The following GSKIP variants were observed in gnomAD, a reference collection of about 807,000 sequenced individuals.
GSKIP encodes GSK3B-interacting protein.
GSKIP carries 5 observed loss-of-function variants against 11.9 expected under a neutral mutation model. The ratio of observed to expected loss-of-function variants is 0.42; its 90% confidence interval spans 0.22 to 0.89. GSKIP has a LOEUF of 0.89. Among genes scored for constraint, GSKIP ranks in the 40% least tolerant of loss-of-function variants. GSKIP has a pLI of 0.29. For missense variants in GSKIP, 150 were observed against 166.6 expected, an observed-to-expected ratio of 0.90 and a Z score of 0.55; for synonymous variants, 70 against 62.9, an observed-to-expected ratio of 1.11 and a Z score of -0.54.
chr14:96,387,240 A>G lies in GSKIP; in HGVS notation c.*1556A>G, dbSNP rs1322233388. 1.3e-5 allele frequency: 2 copies of G among 152,236 alleles called. No homozygotes were observed. The highest frequency in any genetic ancestry group is 1.3e-4 in the Admixed American group (2 of 15,282). The allele number at this position is 152,236 out of a possible 1,614,324, so 9.4% of individuals were successfully genotyped here. Reference sequence around the variant, plus strand: ...AGTTAGTATGAAAAAAAGTGATTGTATGTTTAAGAATTGAAATTGTTCATT... The same window carrying G: ...AGTTAGTATGAAAAAAAGTGATTGTGTGTTTAAGAATTGAAATTGTTCATT... On this transcript the variant is annotated 3_prime_UTR_variant, in exon 4 of 4. Coordinates refer to ENST00000555181, the MANE Select transcript of GSKIP (RefSeq NM_016472.5).
chr14:96,378,026 T>G (rs559395564), intron 1 of GSKIP, among the ~76,000 whole-genome samples: 7 of 152,320 alleles, frequency 4.6e-5, no homozygotes, highest in African/African-American at 1.4e-4. Flanking sequence ...TGTAAACTGC[T>G]TAGCACCTTA....
chr14:96,385,679 T>C lies in GSKIP; in HGVS notation c.415T>C (p.Ser139Pro). The C allele has an allele frequency of 6.2e-7, 1 of 1,609,566 alleles. No individual in the cohort carries two copies. The highest frequency in any genetic ancestry group is 8.5e-7 in the Non-Finnish European group (1 of 1,178,482). Reference protein sequence around the residue: ...RLEALKRDGQS With the variant: ...RLEALKRDGQP ...GGAAGCTTTGAAAAGAGATGGACAG[T>C]CATGACTACACTTTTTCCTTTCAGA... is the stretch of plus-strand genomic sequence containing the variant. Residue 139 changes from serine to proline, a missense_variant, in exon 4 of 4, where the codon TCA becomes CCA. Coordinates refer to ENST00000555181, the MANE Select transcript of GSKIP (RefSeq NM_016472.5).
intron 1 of GSKIP, among the ~76,000 whole-genome samples, chr14:96,370,321 T>C (rs1444356406): frequency 6.6e-6 from 1 of 152,104 alleles, no homozygotes; most frequent in Non-Finnish European, 1.5e-5. Context: ...ACTATTGGGA[T>C]AGAATGGTTG....
chr14:96,384,789 A>G (rs983069020), intron 3 of GSKIP: 7 of 152,082 alleles, frequency 4.6e-5, no homozygotes, highest in African/African-American at 1.2e-4. Context: ...TGGTATTGCA[A>G]ATACCTCCAG....
Position 96,363,553 on chromosome 14 carries a change from G to A in GSKIP, c.-118G>A, listed in dbSNP as rs1186357895. The A allele has an allele frequency of 2.0e-5, 3 of 152,858 alleles. No individual in the cohort carries two copies. Among genetic ancestry groups the A allele is most frequent in the Non-Finnish European group, 4.4e-5 (3 of 68,390 alleles). The allele number at this position is 152,858 out of a possible 1,614,324, so 9.5% of individuals were successfully genotyped here. Reference sequence around the variant, plus strand: ...TCGCCTCCGGAGGAAGGAAGAAGAGGACGCCGGGCGCGCAGGTGAGCGGCA... The same window carrying A: ...TCGCCTCCGGAGGAAGGAAGAAGAGAACGCCGGGCGCGCAGGTGAGCGGCA... On this transcript the variant is annotated 5_prime_UTR_variant, in exon 1 of 4. Transcript: ENST00000555181.
At chr14:96,370,829 A>G (rs1365848399) in intron 1 of GSKIP, among the ~76,000 whole-genome samples, 1 of 152,192 alleles carries the variant, frequency 6.6e-6, no homozygotes. Flanking sequence ...GAAATTACCC[A>G]GCCTCACATA....
chr14:96,385,481 A>G (rs373336837), intron 3 of GSKIP, 42 bp from the exon 4 acceptor site: 1 of 1,544,378 alleles, frequency 6.5e-7, no homozygotes, highest in Non-Finnish European at 8.8e-7. Context: ...TTTCTGTACC[A>G]ACATGAAAAC....
intron 1 of GSKIP, among the ~76,000 whole-genome samples, chr14:96,378,258 G>A (rs971468552): frequency 6.6e-6 from 1 of 152,164 alleles, no homozygotes; most frequent in Non-Finnish European, 1.5e-5. Flanking sequence ...GGAGGTTGAG[G>A]TGGGAGGATC....
intron 1 of GSKIP, among the ~76,000 whole-genome samples, chr14:96,374,538 A>G (rs959037488): frequency 6.6e-6 from 1 of 152,162 alleles, no homozygotes; most frequent in Non-Finnish European, 1.5e-5. Flanking sequence ...CATCTTTTTA[A>G]TTTTTTTATT....
chr14:96,385,653 T>C lies in GSKIP; in HGVS notation c.389T>C (p.Leu130Pro). ...TTTGGAAACGCACTGCTTCAAAGAC[T>C]GGAAGCTTTGAAAAGAGATGGACAG... ...EAFGNALLQR[L>P]EALKRDGQS Residue 130 changes from leucine (L) to proline (P), a missense_variant, in exon 4 of 4, where the codon CTG becomes CCG. Transcript: ENST00000555181. 1 of 1,613,216 alleles carries C rather than the reference T, an allele frequency of 6.2e-7. No homozygotes were observed. The highest frequency in any genetic ancestry group is 8.5e-7 in the Non-Finnish European group (1 of 1,179,668).
intron 1 of GSKIP, among the ~76,000 whole-genome samples, chr14:96,377,240 A>G (rs1404645230): frequency 6.6e-6 from 1 of 152,252 alleles, no homozygotes; most frequent in Non-Finnish European, 1.5e-5. Flanking sequence ...GGGCAACAAT[A>G]AAGAACATTT....
intron 3 of GSKIP, among the ~76,000 whole-genome samples, chr14:96,385,089 A>ATATT (rs1406461492): frequency 6.6e-6 from 1 of 152,212 alleles, no homozygotes; most frequent in African/African-American, 2.4e-5. Context: ...AACTAATGAT[A>ATATT]TATTACCTAT....
intron 2 of GSKIP, among the ~76,000 whole-genome samples, chr14:96,382,013 C>A (rs1315906422): frequency 6.6e-6 from 1 of 151,908 alleles, no homozygotes; most frequent in East Asian, 1.9e-4. Context: ...GGAAATTGAC[C>A]TGTTGGGGGT....
chr14:96,364,600 T>C (rs1246460309), intron 1 of GSKIP: 1 of 152,260 alleles, frequency 6.6e-6, no homozygotes, highest in Non-Finnish European at 1.5e-5. Context: ...CTTTTCGTTT[T>C]AGAACCAGGG....
chr14:96,382,270 T>TG lies in GSKIP; in HGVS notation c.25dup (p.Glu9GlyfsTer9). ...AGAATGGAAACAGACTGTAATCCCA[T>TG]GGAGCTAAGCAGTATGTCAGGATTT... On this transcript the variant is annotated frameshift_variant, in exon 3 of 4. Coordinates refer to ENST00000555181, the MANE Select transcript of GSKIP (RefSeq NM_016472.5). LOFTEE classifies it high-confidence loss of function. 6.2e-7 allele frequency: 1 copy of TG among 1,605,826 alleles called. No homozygotes were observed. The highest frequency in any genetic ancestry group is 8.5e-7 in the Non-Finnish European group (1 of 1,174,584).
intron 1 of GSKIP, among the ~76,000 whole-genome samples, chr14:96,368,245 C>A (rs756912759): frequency 1.3e-5 from 2 of 150,352 alleles, no homozygotes; most frequent in Non-Finnish European, 2.9e-5. Flanking sequence ...TGCAGTGGCA[C>A]GATAGCTCAT....
intron 3 of GSKIP, among the ~76,000 whole-genome samples, chr14:96,384,983 A>G (rs1015241): frequency 0.16 from 23,730 of 152,114 alleles, 2,306 homozygotes; most frequent in Non-Finnish European, 0.21. Context: ...TTAATAAACA[A>G]TTATTAAAAT....
chr14:96,385,931 C>A lies in GSKIP; in HGVS notation c.*247C>A, dbSNP rs1012151936. On this transcript the variant is annotated 3_prime_UTR_variant, in exon 4 of 4. Coordinates refer to ENST00000555181, the MANE Select transcript of GSKIP (RefSeq NM_016472.5). ...ACATTCACATGTCTTCATATAATATCTCTTCATTTCAAATCCTAATCACTA... is the reference window on the plus strand; with the variant it reads ...ACATTCACATGTCTTCATATAATATATCTTCATTTCAAATCCTAATCACTA... 9 of 374,512 alleles carry A rather than the reference C, an allele frequency of 2.4e-5. No individual in the cohort carries two copies. The highest frequency in any genetic ancestry group is 3.4e-5 in the Non-Finnish European group (7 of 203,732). 23.2% of individuals were successfully genotyped at this position (374,512 alleles called of 1,614,324 possible).
chr14:96,368,765 T>C (rs1231662880), intron 1 of GSKIP, among the ~76,000 whole-genome samples: 1 of 152,054 alleles, frequency 6.6e-6, no homozygotes, highest in Non-Finnish European at 1.5e-5. Flanking sequence ...CCTCCCTCCT[T>C]CCTTCCTTCA....
Sources: gnomAD v4.1 joint callset for allele counts (sites outside exome capture counted in the v4.1 genomes callset) on GRCh38, gnomAD v4.1.1 for gene constraint, MANE v1.5 for transcripts, NCBI Gene and HGNC (gene_info 2026-07-23, HGNC 2026-07-21) for gene names.